The following RPS6KC1 variants were observed in gnomAD, a reference collection of about 807,000 sequenced individuals.
RPS6KC1 encodes inactive ribosomal protein S6 kinase delta-1.
Under a neutral mutation model 103.8 loss-of-function variants are expected in RPS6KC1, and 54 were observed. That is an observed-to-expected ratio of 0.52 (90% CI 0.42 to 0.65). The LOEUF is 0.65. Among genes scored for constraint, RPS6KC1 ranks in the 30% least tolerant of loss-of-function variants. RPS6KC1 has a pLI of 0.00. For synonymous variants in RPS6KC1, 439 were observed against 438.7 expected, an observed-to-expected ratio of 1.00 and a Z score of -0.01; for missense variants, 1,151 against 1,253.8, an observed-to-expected ratio of 0.92 and a Z score of 1.24.
At chr1:213,125,318 A>G (rs1558370052) in intron 5 of RPS6KC1, among the ~76,000 whole-genome samples, 1 of 152,142 alleles carries the variant, frequency 6.6e-6, no homozygotes, top group Non-Finnish European at 1.5e-5. Context: ...TAAATATTCT[A>G]TAAAATGATT....
the RPS6KC1 span, among the ~76,000 whole-genome samples, chr1:213,690,687 T>C: frequency 1.3e-5 from 2 of 152,342 alleles, no homozygotes; most frequent in African/African-American, 4.8e-5. Context: ...CCAGCTGCCT[T>C]ACATTGCATA....
At chr1:213,195,897 G>C (rs1037216389) in intron 8 of RPS6KC1, among the ~76,000 whole-genome samples, 1 of 151,730 alleles carries the variant, frequency 6.6e-6, no homozygotes, top group Admixed American at 6.6e-5. Flanking sequence ...GGGCACGTAG[G>C]CTGGCTTCAT....
intron 6 of RPS6KC1, among the ~76,000 whole-genome samples, chr1:213,148,476 CATTG>C (rs1177954955): frequency 6.6e-6 from 1 of 152,152 alleles, no homozygotes; most frequent in Non-Finnish European, 1.5e-5. Context: ...TGAGGTTTCA[CATTG>C]ATTGATTTGC....
the RPS6KC1 span, among the ~76,000 whole-genome samples, chr1:213,642,979 C>CAT: frequency 2.0e-5 from 3 of 151,498 alleles, no homozygotes; most frequent in Non-Finnish European, 3.0e-5. Context: ...ACTAAATTCC[C>CAT]ATATATATAT....
the RPS6KC1 span, among the ~76,000 whole-genome samples, chr1:213,684,210 C>G: frequency 5.3e-5 from 8 of 152,156 alleles, no homozygotes; most frequent in African/African-American, 1.7e-4. Flanking sequence ...TTTCAAAAGG[C>G]CTTTCTGTCT....
chr1:213,467,620 A>G, the RPS6KC1 span, among the ~76,000 whole-genome samples: 1 of 152,200 alleles, frequency 6.6e-6, no homozygotes, highest in Non-Finnish European at 1.5e-5. Context: ...GCAAATGAAG[A>G]AATAGATTGG....
At chr1:213,602,038 T>TTTTCTTTCTTTC in the RPS6KC1 span, among the ~76,000 whole-genome samples, 5 of 26,560 alleles carry the variant, frequency 1.9e-4, 1 homozygote, top group Middle Eastern at 0.042. Flanking sequence ...CTCTTTCTCT[T>TTTTCTTTCTTTC]TCTTTCTTTC....
chr1:213,684,961 C>T, the RPS6KC1 span, among the ~76,000 whole-genome samples: 3 of 152,184 alleles, frequency 2.0e-5, no homozygotes, highest in Non-Finnish European at 2.9e-5. Flanking sequence ...TGAGCCAGTT[C>T]CCGAATGCCG....
At chr1:213,549,951 C>T in the RPS6KC1 span, among the ~76,000 whole-genome samples, 1 of 151,692 alleles carries the variant, frequency 6.6e-6, no homozygotes, top group African/African-American at 2.4e-5. Context: ...GTATTCAGGC[C>T]AGAAGAGAGA....
chr1:213,771,556 G>T, the RPS6KC1 span, among the ~76,000 whole-genome samples: 8 of 152,216 alleles, frequency 5.3e-5, no homozygotes, highest in South Asian at 8.3e-4. Context: ...TTCTATGCTG[G>T]GTCCTGGACC....
intron 6 of RPS6KC1, among the ~76,000 whole-genome samples, chr1:213,165,720 G>A (rs964340718): frequency 6.6e-6 from 1 of 152,258 alleles, no homozygotes; most frequent in South Asian, 2.1e-4. Flanking sequence ...ACCGCGCCCG[G>A]CCAGTTTTAT....
chr1:213,239,568 A>G (rs1297135177), intron 10 of RPS6KC1, among the ~76,000 whole-genome samples: 3 of 152,146 alleles, frequency 2.0e-5, no homozygotes, highest in Non-Finnish European at 2.9e-5. Flanking sequence ...TACACATGCA[A>G]TTGACTGTCA....
the RPS6KC1 span, among the ~76,000 whole-genome samples, chr1:213,652,284 C>T: frequency 1.3e-5 from 2 of 152,162 alleles, no homozygotes; most frequent in Non-Finnish European, 2.9e-5. Context: ...TTAATCCTTT[C>T]AGTGGTCCTG....
At chr1:213,100,029 A>C (rs1024356356) in intron 3 of RPS6KC1, among the ~76,000 whole-genome samples, 1 of 152,206 alleles carries the variant, frequency 6.6e-6, no homozygotes, top group South Asian at 2.1e-4. Flanking sequence ...TTATTTTATA[A>C]GGAACTAAGA....
At chr1:213,625,501 C>A in the RPS6KC1 span, among the ~76,000 whole-genome samples, 1 of 151,948 alleles carries the variant, frequency 6.6e-6, no homozygotes, top group African/African-American at 2.4e-5. Flanking sequence ...CATATGTATA[C>A]ATGTGCCATG....
At chr1:213,070,932 G>T in intron 1 of RPS6KC1, 74 bp from the exon 2 acceptor site, 2 of 895,394 alleles carry the variant, frequency 2.2e-6, no homozygotes, top group Non-Finnish European at 3.4e-6. Flanking sequence ...AAATACTATT[G>T]GAAGTTAATT....
At chr1:213,527,918 G>A in the RPS6KC1 span, among the ~76,000 whole-genome samples, 1 of 152,100 alleles carries the variant, frequency 6.6e-6, no homozygotes, top group South Asian at 2.1e-4. Flanking sequence ...AAAAGAAAAT[G>A]TTAAGAAAAC....
At chr1:213,503,028 T>C in the RPS6KC1 span, among the ~76,000 whole-genome samples, 1 of 152,148 alleles carries the variant, frequency 6.6e-6, no homozygotes, top group Non-Finnish European at 1.5e-5. Flanking sequence ...GCTTTCCTTT[T>C]TGCATATGCT....
chr1:213,430,521 TA>T, the RPS6KC1 span, among the ~76,000 whole-genome samples: 1 of 152,240 alleles, frequency 6.6e-6, no homozygotes, highest in Non-Finnish European at 1.5e-5. Context: ...TTGGATTACC[TA>T]TGTGATGACT....
Sources: allele counts gnomAD v4.1 joint callset (sites outside exome capture counted in the v4.1 genomes callset), GRCh38; gene constraint gnomAD v4.1.1; transcripts MANE v1.5; gene names NCBI Gene and HGNC (gene_info 2026-07-23, HGNC 2026-07-21).